Variants in HERPUD2 observed in about 807,000 individuals in gnomAD.
HERPUD2 encodes the protein homocysteine-responsive endoplasmic reticulum-resident ubiquitin-like domain member 2 protein.
A neutral mutation model predicts 49.9 loss-of-function variants in HERPUD2; 13 were observed. The ratio of observed to expected loss-of-function variants is 0.26; its 90% CI spans 0.17 to 0.41. HERPUD2 has a LOEUF of 0.41. Among genes scored for constraint, HERPUD2 ranks in the 10% least tolerant of loss-of-function variants. The pLI, the probability that HERPUD2 is intolerant of heterozygous loss-of-function variation, is 1.00. For synonymous variants in HERPUD2, 172 were observed against 171.4 expected, an observed-to-expected ratio of 1.00 and a Z score of -0.03; for missense variants, 449 against 492.2, an observed-to-expected ratio of 0.91 and a Z score of 0.83.
At chr7:35,667,058 T>A (rs1785551917) in intron 5 of HERPUD2, among the ~76,000 whole-genome samples, 2 of 152,128 alleles carry the variant, frequency 1.3e-5, no homozygotes, top group African/African-American at 4.8e-5. Flanking sequence ...TAAAAAAAAA[T>A]TAGTTACGTA....
intron 2 of HERPUD2, among the ~76,000 whole-genome samples, chr7:35,693,936 T>G (rs1786253016): frequency 6.6e-6 from 1 of 152,060 alleles, no homozygotes; most frequent in South Asian, 2.1e-4. Context: ...GCGCCCGGTC[T>G]TTGCCTGCCA....
rs1252567132 is a variant in HERPUD2, at chr7:35,670,346, T to C, written c.226-18A>G. ...TCATCTTGCTAAAATTAAAGAAGAT[T>C]ACATTTAAAGGGTAGTACTACAAAA... On this transcript the variant is annotated intron_variant, in intron 3 of 8. Coordinates refer to ENST00000311350, the MANE Select transcript of HERPUD2 (RefSeq NM_022373.5). The C allele has an allele frequency of 4.8e-6, 6 of 1,245,752 alleles. No homozygotes were observed. In the African/African-American group the frequency reaches 6.3e-5, roughly 13 times the overall value. 77.2% of individuals were successfully genotyped at this position (1,245,752 alleles called of 1,614,324 possible). A position where few individuals can be genotyped will look rare whatever the true frequency, so the allele number is the denominator to read the frequency against.
chr7:35,645,111 G>A (rs751611797), intron 5 of HERPUD2, among the ~76,000 whole-genome samples: 3 of 152,186 alleles, frequency 2.0e-5, no homozygotes, highest in Non-Finnish European at 1.5e-5. Flanking sequence ...TTGAAGTTAG[G>A]TATTAGCTGC....
At chr7:35,638,266 G>A in intron 6 of HERPUD2, 84 bp downstream of exon 6, 1 of 1,325,066 alleles carries the variant, frequency 7.5e-7, no homozygotes, top group East Asian at 2.4e-5. Context: ...CAAATGAAAT[G>A]CCAAATCAAC....
chr7:35,694,358 G>C lies in HERPUD2; in HGVS notation c.-28C>G, dbSNP rs1786266594. 6.2e-7 allele frequency: 1 copy of C among 1,613,868 alleles called. No homozygotes were observed. The highest frequency in any genetic ancestry group is 1.3e-5 in the African/African-American group (1 of 75,064). On this transcript the variant is annotated 5_prime_UTR_variant, in exon 2 of 9. Coordinates refer to ENST00000311350, the MANE Select transcript of HERPUD2 (RefSeq NM_022373.5). The stretch of plus-strand genomic sequence containing the variant: ...TGCCCCCAAAGTCAGACAGAGTCCA[G>C]AGGAGCGGCAGTTAAGCCCAAAAGA...
At chr7:35,691,602 G>A (rs1371416639) in intron 2 of HERPUD2, among the ~76,000 whole-genome samples, 1 of 152,180 alleles carries the variant, frequency 6.6e-6, no homozygotes, top group African/African-American at 2.4e-5. Flanking sequence ...GATAATGAAA[G>A]TAGGCATATG....
chr7:35,673,173 G>T, intron 3 of HERPUD2, 28 bp downstream of exon 3: 14 of 1,532,052 alleles, frequency 9.1e-6, no homozygotes, highest in Non-Finnish European at 1.3e-5. Flanking sequence ...GAATGTATCT[G>T]GTATCAAATA....
At chr7:35,682,314 T>TAC (rs1157107236) in intron 2 of HERPUD2, among the ~76,000 whole-genome samples, 6 of 48,208 alleles carry the variant, frequency 1.2e-4, no homozygotes, top group African/African-American at 4.3e-4. Context: ...TATAGATATA[T>TAC]ACACATACAC....
chr7:35,662,673 T>C (rs926878264), intron 5 of HERPUD2, among the ~76,000 whole-genome samples: 1 of 152,224 alleles, frequency 6.6e-6, no homozygotes, highest in African/African-American at 2.4e-5. Flanking sequence ...GAGGTGTTTA[T>C]AGTACTCTCT....
chr7:35,650,536 ATCC>A (rs1785142488), intron 5 of HERPUD2, among the ~76,000 whole-genome samples: 1 of 152,152 alleles, frequency 6.6e-6, no homozygotes. Context: ...AGCGGGCTGC[ATCC>A]TGCCCTGGGG....
chr7:35,635,574 C>T, intron 6 of HERPUD2, 116 bp from the exon 7 acceptor site: 1 of 800,144 alleles, frequency 1.2e-6, no homozygotes, highest in Non-Finnish European at 1.9e-6. Context: ...TGGAATATCC[C>T]AACTCCTGCA....
intron 5 of HERPUD2, among the ~76,000 whole-genome samples, chr7:35,656,632 A>G (rs1458661669): frequency 1.1e-4 from 17 of 152,216 alleles, no homozygotes; most frequent in Admixed American, 1.1e-3. Context: ...AGACCAATGG[A>G]ACATAACAGA....
In HERPUD2 at chr7:35,694,588, G is replaced by A. The variant is rs1562691858; in HGVS notation, c.-258C>T. Reference sequence around the variant, plus strand: ...CTCCCCGCCAGGTCCGGGCTCCGCCGGGCTCCGGACTGTGGAGGCCGTCGT... The same window carrying A: ...CTCCCCGCCAGGTCCGGGCTCCGCCAGGCTCCGGACTGTGGAGGCCGTCGT... On this transcript the variant is annotated 5_prime_UTR_variant, in exon 2 of 9. Transcript: ENST00000311350. The A allele has an allele frequency of 7.6e-6, 4 of 528,082 alleles. No homozygotes were observed. The highest frequency in any genetic ancestry group is 3.2e-5 in the East Asian group (1 of 31,460). 32.7% of individuals were successfully genotyped at this position (528,082 alleles called of 1,614,324 possible).
chr7:35,663,357 G>A (rs945004906), intron 5 of HERPUD2, among the ~76,000 whole-genome samples: 4 of 152,200 alleles, frequency 2.6e-5, no homozygotes, highest in Admixed American at 1.3e-4. Context: ...GTGATGTGGT[G>A]CTGACAAGAA....
intron 6 of HERPUD2, 53 bp from the exon 7 acceptor site, chr7:35,635,511 C>A: frequency 6.8e-7 from 1 of 1,464,960 alleles, no homozygotes. Flanking sequence ...TTTACCATAC[C>A]ATATTTTTTT....
At chr7:35,664,116 T>C (rs1160283324) in intron 5 of HERPUD2, among the ~76,000 whole-genome samples, 1 of 152,194 alleles carries the variant, frequency 6.6e-6, no homozygotes, top group Non-Finnish European at 1.5e-5. Flanking sequence ...CAGCATTTGT[T>C]TGTCTGTAAA....
chr7:35,654,818 G>T (rs1353086495), intron 5 of HERPUD2, among the ~76,000 whole-genome samples: 1 of 151,706 alleles, frequency 6.6e-6, no homozygotes, highest in Non-Finnish European at 1.5e-5. Flanking sequence ...TGGGATTACA[G>T]GCATACACCA....
rs57140845 is a variant in HERPUD2 at position 35,684,877 on chromosome 7, T to TA, written c.147+9306dup. The stretch of plus-strand genomic sequence containing the variant: ...ACTCATGTAACCAAACACCACCTGT[T>TA]ACCCAATAACCTATGGAAATAAAAA... On this transcript the variant is annotated intron_variant, in intron 2 of 8. Transcript: ENST00000311350. 1.1e-3 allele frequency among the ~76,000 whole-genome samples: 160 copies of TA among 152,284 alleles called. 2 individuals carry two copies. In the East Asian group the frequency reaches 0.027, roughly 26 times the overall value.
chr7:35,633,663 T>C lies in HERPUD2; in HGVS notation c.*27A>G, dbSNP rs1352862278. The C allele has an allele frequency of 6.2e-7, 1 of 1,603,524 alleles. No homozygotes were observed. Among genetic ancestry groups the C allele is most frequent in the Non-Finnish European group, 8.5e-7 (1 of 1,175,722 alleles). On this transcript the variant is annotated 3_prime_UTR_variant, in exon 9 of 9. Coordinates refer to ENST00000311350, the MANE Select transcript of HERPUD2 (RefSeq NM_022373.5). The stretch of plus-strand genomic sequence containing the variant: ...AAACCACTTTCCTGAAGTCAGACCC[T>C]CCTTGTAGCTGGCACAGTTTTTCAG...
Sources: gnomAD v4.1 joint callset for allele counts (sites outside exome capture counted in the v4.1 genomes callset) on GRCh38, gnomAD v4.1.1 for gene constraint, MANE v1.5 for transcripts, NCBI Gene and HGNC (gene_info 2026-07-23, HGNC 2026-07-21) for gene names.